The following PSEN2 variants were observed in gnomAD, a reference collection of about 807,000 sequenced individuals.
PSEN2 encodes the protein presenilin-2.
In PSEN2, 32 loss-of-function variants were observed where a neutral mutation model predicts 49.1. That is an observed-to-expected ratio of 0.65 (90% CI 0.49 to 0.88). The LOEUF is 0.88. Ranked by LOEUF, PSEN2 falls within the 40% of genes least tolerant of loss-of-function variation. The probability of loss-of-function intolerance (pLI) is 0.00; values close to 1 mark genes in which losing one functional copy is unlikely to be tolerated. For missense variants in PSEN2, 522 were observed against 586.9 expected (o/e 0.89, Z 1.14); for synonymous variants, 255 against 244.0 (o/e 1.05, Z -0.42).
chr1:226,883,975 T>TGGGGGGGGGGGGGGCCCGGGGGGG, intron 5 of PSEN2, 56 bp downstream of exon 5: 1 of 129,692 alleles, frequency 7.7e-6, no homozygotes, highest in Non-Finnish European at 1.5e-5. Flanking sequence ...TGCCAGGGGG[T>TGGGGGGGGGGGGGGCCCGGGGGGG]GGGGGGCGCA....
intron 12 of PSEN2, among the ~76,000 whole-genome samples, chr1:226,902,693 G>A (rs1662353552): frequency 6.6e-6 from 1 of 152,174 alleles, no homozygotes; most frequent in Non-Finnish European, 1.5e-5. Context: ...GGCCTGCAAT[G>A]GAATGGGGTG....
intron 2 of PSEN2, 103 bp downstream of exon 2, chr1:226,871,507 T>A (rs963968069): frequency 6.6e-6 from 1 of 152,216 alleles, no homozygotes; most frequent in Non-Finnish European, 1.5e-5. Flanking sequence ...CCTTAATAAG[T>A]ATTCCCTTTG....
chr1:226,892,059 G>A (rs1436775506), intron 11 of PSEN2, among the ~76,000 whole-genome samples: 1 of 152,190 alleles, frequency 6.6e-6, no homozygotes, highest in African/African-American at 2.4e-5. Flanking sequence ...TATGGGCCAC[G>A]TGCCCGTGCT....
At chr1:226,880,728 C>T in intron 3 of PSEN2, 1 of 1,611,204 alleles carries the variant, frequency 6.2e-7, no homozygotes. Context: ...GATTTTGGTA[C>T]ACTGGGTCCC....
chr1:226,898,620 T>C (rs1662224844), downstream of PSEN2: 1 of 152,214 alleles, frequency 6.6e-6, no homozygotes, highest in African/African-American at 2.4e-5. Context: ...TGTTCATTAT[T>C]ATTAATTTTT....
downstream of PSEN2, among the ~76,000 whole-genome samples, chr1:226,896,973 AGGAGCTTGCT>A (rs1261689940): frequency 2.0e-5 from 3 of 152,190 alleles, no homozygotes; most frequent in African/African-American, 4.8e-5. Context: ...GACATTTGAC[AGGAGCTTGCT>A]TTCCCCCAGG....
chr1:226,901,362 G>A (rs1362976075), downstream of PSEN2, among the ~76,000 whole-genome samples: 1 of 151,606 alleles, frequency 6.6e-6, no homozygotes, highest in Non-Finnish European at 1.5e-5. Flanking sequence ...CTTGAACCAG[G>A]GAGGCAGAGG....
rs200977587 is a variant in PSEN2 at position 226,891,840 on chromosome 1, G to A, written c.1068G>A (p.Glu356=). 4 of 1,613,790 alleles carry A rather than the reference G, an allele frequency of 2.5e-6. No homozygotes were observed. Among genetic ancestry groups the A allele is most frequent in the Non-Finnish European group, 2.5e-6 (3 of 1,179,686 alleles). Residue 356 remains glutamate, a synonymous_variant, in exon 11 of 13, where the codon GAG becomes GAA. Coordinates refer to ENST00000366783, the MANE Select transcript of PSEN2 (RefSeq NM_000447.3). ...CAGGGGAGGAGCTGGAGGAAGAGGA[G>A]GAAAGTAAGGTGCCCATGTTCACAC... ...GYPGEELEEE[E]ERGVKLGLGD... is the part of the protein sequence containing the mutation.
Position 226,895,810 on chromosome 1 carries a change from G to A in PSEN2, c.*231G>A. 2 of 584,464 alleles carry A rather than the reference G, an allele frequency of 3.4e-6. No individual in the cohort carries two copies. The highest frequency in any genetic ancestry group is 3.0e-5 in the East Asian group (1 of 33,884). The allele number at this position is 584,464 out of a possible 1,614,324, so 36.2% of individuals were successfully genotyped here. A position where few individuals can be genotyped will look rare whatever the true frequency, so the allele number is the denominator to read the frequency against. ...CCTCGCTTCACGGACAGGAAGCACA[G>A]CAGGTTTATCCAGATGAACTGAGAA... On this transcript the variant is annotated 3_prime_UTR_variant, in exon 13 of 13. Coordinates refer to ENST00000366783, the MANE Select transcript of PSEN2 (RefSeq NM_000447.3).
At chr1:226,883,958 GCT>G in intron 5 of PSEN2, 39 bp downstream of exon 5, 3 of 1,059,562 alleles carry the variant, frequency 2.8e-6, no homozygotes, top group Admixed American at 2.2e-5. Context: ...TGGGGTGAGG[GCT>G]GAGTTGCCAG....
downstream of PSEN2, chr1:226,899,056 G>C (rs1256973348): frequency 6.6e-6 from 1 of 152,166 alleles, no homozygotes; most frequent in Non-Finnish European, 1.5e-5. Flanking sequence ...GCAAATGTCT[G>C]GTACATTGTG....
intron 12 of PSEN2, 85 bp from the exon 13 acceptor site, chr1:226,895,339 C>T (rs1662068298): frequency 2.0e-6 from 3 of 1,522,194 alleles, no homozygotes; most frequent in Admixed American, 1.7e-5. Context: ...CGAACAAGCT[C>T]CTGTGCCCAG....
downstream of PSEN2, among the ~76,000 whole-genome samples, chr1:226,900,497 A>G (rs1035120030): frequency 4.6e-5 from 7 of 152,198 alleles, no homozygotes; most frequent in African/African-American, 1.7e-4. Context: ...TGTGAGTCGA[A>G]TGGGGCGGCA....
rs750116511 is a variant in PSEN2, at chr1:226,894,002, C to T, written c.1073-5C>T. The T allele has an allele frequency of 6.2e-7, 1 of 1,611,804 alleles. No individual in the cohort carries two copies. Among genetic ancestry groups the T allele is most frequent in the South Asian group, 1.1e-5 (1 of 91,058 alleles). ...CAGTACGGGTTACTGTCTCTCCTCACACAGGGGGCGTGAAGCTTGGCCTCG... is the reference window on the plus strand; with the variant it reads ...CAGTACGGGTTACTGTCTCTCCTCATACAGGGGGCGTGAAGCTTGGCCTCG... On this transcript the variant is annotated splice_region_variant and splice_polypyrimidine_tract_variant and intron_variant, in intron 11 of 12. Coordinates refer to ENST00000366783, the MANE Select transcript of PSEN2 (RefSeq NM_000447.3).
chr1:226,895,814 G>A lies in PSEN2; in HGVS notation c.*235G>A, dbSNP rs1662112776. The A allele has an allele frequency of 6.9e-6, 4 of 578,436 alleles. No individual in the cohort carries two copies. Among genetic ancestry groups the A allele is most frequent in the Admixed American group, 6.0e-5 (2 of 33,432 alleles). 35.8% of individuals were successfully genotyped at this position (578,436 alleles called of 1,614,324 possible). A position where few individuals can be genotyped will look rare whatever the true frequency, so the allele number is the denominator to read the frequency against. On this transcript the variant is annotated 3_prime_UTR_variant, in exon 13 of 13. Transcript: ENST00000366783. ...GCTTCACGGACAGGAAGCACAGCAG[G>A]TTTATCCAGATGAACTGAGAAGGTC...
chr1:226,895,544 A>C lies in PSEN2; in HGVS notation c.1312A>C (p.Met438Leu). The change falls in exon 13 of 13, where the codon ATG becomes CTG. Residue 438 changes from methionine (M) to leucine (L), a missense_variant. Coordinates refer to ENST00000366783, the MANE Select transcript of PSEN2 (RefSeq NM_000447.3). Reference sequence around the variant, plus strand: ...CACGGACAACCTGGTGCGGCCGTTCATGGACACCCTGGCCTCCCATCAGCT... The same window carrying C: ...CACGGACAACCTGGTGCGGCCGTTCCTGGACACCCTGGCCTCCCATCAGCT... ...FSTDNLVRPF[M>L]DTLASHQLYI 1 of 1,613,728 alleles carries C rather than the reference A, an allele frequency of 6.2e-7. No homozygotes were observed. The highest frequency in any genetic ancestry group is 2.2e-5 in the East Asian group (1 of 44,870).
At chr1:226,876,505 C>T (rs564358528) in intron 3 of PSEN2, among the ~76,000 whole-genome samples, 4 of 152,094 alleles carry the variant, frequency 2.6e-5, no homozygotes, top group Admixed American at 6.5e-5. Context: ...TAAAATAAAC[C>T]CTACAGATAC....
chr1:226,873,926 A>G (rs1660463730), intron 2 of PSEN2, among the ~76,000 whole-genome samples: 3 of 152,148 alleles, frequency 2.0e-5, no homozygotes, highest in African/African-American at 7.2e-5. Flanking sequence ...TACCAGTCCC[A>G]CAGCAGGACA....
In PSEN2 at chr1:226,895,646, C is replaced by T. The variant is rs1662100314; in HGVS notation, c.*67C>T. On this transcript the variant is annotated 3_prime_UTR_variant, in exon 13 of 13. Transcript: ENST00000366783. Reference sequence around the variant, plus strand: ...CATTGGATGCAGTTGTATAGTTTTACACTCTAGTGCCATATATTTTTAAGA... The same window carrying T: ...CATTGGATGCAGTTGTATAGTTTTATACTCTAGTGCCATATATTTTTAAGA... 2 of 1,493,818 alleles carry T rather than the reference C, an allele frequency of 1.3e-6. No individual in the cohort carries two copies. Among genetic ancestry groups the T allele is most frequent in the Middle Eastern group, 1.9e-4 (1 of 5,356 alleles). The allele number at this position is 1,493,818 out of a possible 1,614,324, so 92.5% of individuals were successfully genotyped here.
Sources: gnomAD v4.1 joint callset for allele counts (sites outside exome capture counted in the v4.1 genomes callset) on GRCh38, gnomAD v4.1.1 for gene constraint, MANE v1.5 for transcripts, NCBI Gene and HGNC (gene_info 2026-07-23, HGNC 2026-07-21) for gene names.